Variants in ADGRV1 observed in about 807,000 individuals in gnomAD.
The protein encoded by ADGRV1 is G-protein coupled receptor 98.
A neutral mutation model predicts 596.2 loss-of-function variants in ADGRV1; 359 were observed. The ratio of observed to expected loss-of-function variants is 0.60; its 90% confidence interval spans 0.55 to 0.66. The LOEUF is 0.66. ADGRV1 is among the 30% of genes least tolerant of loss of function. The pLI is 0.00. For synonymous variants in ADGRV1, 2,681 were observed against 2,679.2 expected, an observed-to-expected ratio of 1.00 and a Z score of -0.02; for missense variants, 7,274 against 7,575.6, an observed-to-expected ratio of 0.96 and a Z score of 1.48.
intron 85 of ADGRV1, among the ~76,000 whole-genome samples, chr5:90,991,603 T>C (rs1385076150): frequency 1.3e-5 from 2 of 152,174 alleles, no homozygotes; most frequent in African/African-American, 4.8e-5. Flanking sequence ...TTCAGTTTTT[T>C]AGTATTTCAG....
intron 85 of ADGRV1, among the ~76,000 whole-genome samples, chr5:91,007,611 T>C (rs1782383498): frequency 6.6e-6 from 1 of 152,166 alleles, no homozygotes; most frequent in South Asian, 2.1e-4. Flanking sequence ...TATTTTGATG[T>C]ACTGAAAGAC....
chr5:90,680,056 T>C (rs1239365834), intron 26 of ADGRV1, among the ~76,000 whole-genome samples: 1 of 152,112 alleles, frequency 6.6e-6, no homozygotes, highest in African/African-American at 2.4e-5. Context: ...GAACTATGAA[T>C]CCTTATATGT....
intron 84 of ADGRV1, among the ~76,000 whole-genome samples, chr5:90,973,265 C>T (rs930989852): frequency 1.2e-4 from 19 of 152,116 alleles, no homozygotes; most frequent in Non-Finnish European, 1.8e-4. Flanking sequence ...TCGAATTCTA[C>T]CAGAGGTACA....
intron 19 of ADGRV1, 21 bp from the exon 20 acceptor site, chr5:90,653,188 T>C (rs1768890262): frequency 1.9e-6 from 3 of 1,564,910 alleles, no homozygotes; most frequent in Non-Finnish European, 2.6e-6. Flanking sequence ...AGTTTCTCAC[T>C]CATAAATTTT....
intron 61 of ADGRV1, 95 bp from the exon 62 acceptor site, chr5:90,777,810 G>A (rs1758405163): frequency 1.1e-5 from 12 of 1,114,290 alleles, no homozygotes; most frequent in Non-Finnish European, 1.5e-5. Context: ...TATTGAAATG[G>A]ATGAAAATTG....
At chr5:91,079,532 T>C (rs952657249) in intron 86 of ADGRV1, among the ~76,000 whole-genome samples, 1 of 152,206 alleles carries the variant, frequency 6.6e-6, no homozygotes, top group East Asian at 1.9e-4. Flanking sequence ...GAAAAACTCC[T>C]AGAACAATAA....
At chr5:90,735,100 T>C (rs1367506580) in intron 50 of ADGRV1, among the ~76,000 whole-genome samples, 4 of 152,272 alleles carry the variant, frequency 2.6e-5, no homozygotes, top group African/African-American at 9.6e-5. Flanking sequence ...CAAAAAATCC[T>C]TGCCCAGATT....
At chr5:90,636,053 G>A (rs1182037248) in intron 10 of ADGRV1, among the ~76,000 whole-genome samples, 1 of 151,916 alleles carries the variant, frequency 6.6e-6, no homozygotes, top group African/African-American at 2.4e-5. Context: ...TAAAGTTGTG[G>A]AATGCTAAAT....
At chr5:90,928,664 G>C (rs775494754) in intron 83 of ADGRV1, among the ~76,000 whole-genome samples, 1,734 of 149,178 alleles carry the variant, frequency 0.012, 15 homozygotes, top group Admixed American at 0.019. Flanking sequence ...GCTTTGTTCC[G>C]TTGCTGGTGA....
chr5:90,635,521 C>T (rs543248863), intron 10 of ADGRV1, among the ~76,000 whole-genome samples: 2 of 151,974 alleles, frequency 1.3e-5, no homozygotes, highest in African/African-American at 2.4e-5. Context: ...CAGTGAGTGT[C>T]GGATATTTTG....
At chr5:90,884,448 T>C (rs984643119) in intron 83 of ADGRV1, among the ~76,000 whole-genome samples, 2 of 152,202 alleles carry the variant, frequency 1.3e-5, no homozygotes, top group Admixed American at 1.3e-4. Flanking sequence ...TTAACACAAC[T>C]GGGTCATTAA....
chr5:90,778,888 C>T lies in ADGRV1; in HGVS notation c.12873C>T (p.Ser4291=). ...AQRVNITIIR[S]SGDFGHVRLW... Reference sequence around the variant, plus strand: ...AGGTTAACATCACAATCATCCGTTCCAGTGGAGATTTTGGCCATGTGCGAC... The same window carrying T: ...AGGTTAACATCACAATCATCCGTTCTAGTGGAGATTTTGGCCATGTGCGAC... The change falls in exon 64 of 90, where the codon TCC becomes TCT. Residue 4291 remains serine (S), a synonymous_variant. Coordinates refer to ENST00000405460, the MANE Select transcript of ADGRV1 (RefSeq NM_032119.4). The T allele has an allele frequency of 6.2e-7, 1 of 1,612,636 alleles. No homozygotes were observed.
chr5:91,120,608 C>T (rs1397725083), intron 87 of ADGRV1, among the ~76,000 whole-genome samples: 2 of 152,158 alleles, frequency 1.3e-5, no homozygotes, highest in African/African-American at 4.8e-5. Context: ...CAAACCCCAG[C>T]TCCCAGGGTG....
At chr5:90,757,865 G>A (rs188188946) in intron 57 of ADGRV1, among the ~76,000 whole-genome samples, 116 of 152,186 alleles carry the variant, frequency 7.6e-4, no homozygotes, top group African/African-American at 2.7e-3. Flanking sequence ...TCTATCTACA[G>A]GTAGCCTTAT....
At chr5:90,887,051 C>T (rs1770368609) in intron 83 of ADGRV1, among the ~76,000 whole-genome samples, 1 of 152,304 alleles carries the variant, frequency 6.6e-6, no homozygotes, top group East Asian at 1.9e-4. Flanking sequence ...TTAAAGATGT[C>T]ATGCGTGTCC....
rs869133714 is a variant in ADGRV1, at chr5:90,569,387, ATTTTTTTTTTT to A, written c.22+10488_22+10498del. Reference sequence around the variant, plus strand: ...TATATATATATATATATATATATATATTTTTTTTTTTTTTTTTTTTTTTTTTTTCTCATTCT... The same window carrying A: ...TATATATATATATATATATATATATATTTTTTTTTTTTTTTTTCTCATTCT... On this transcript the variant is annotated intron_variant, in intron 1 of 89. Transcript: ENST00000405460. Among the ~76,000 whole-genome samples the A allele has an allele frequency of 6.7e-4, 11 of 16,366 alleles. 1 individual carries two copies. The highest frequency in any genetic ancestry group is 3.6e-3 in the East Asian group (2 of 554). The allele number at this position is 16,366 out of a possible 152,430, so 10.7% of individuals were successfully genotyped here. A position where few individuals can be genotyped will look rare whatever the true frequency, so the allele number is the denominator to read the frequency against.
intron 83 of ADGRV1, among the ~76,000 whole-genome samples, chr5:90,887,534 T>C (rs982646019): frequency 1.3e-5 from 2 of 152,144 alleles, no homozygotes; most frequent in Non-Finnish European, 2.9e-5. Context: ...TGTGCACTCA[T>C]TTTCTGCTGC....
At chr5:91,121,266 A>G (rs1178364548) in intron 87 of ADGRV1, among the ~76,000 whole-genome samples, 2 of 152,182 alleles carry the variant, frequency 1.3e-5, no homozygotes, top group African/African-American at 4.8e-5. Context: ...TAAGAAAAAT[A>G]AATCAAAAGT....
intron 35 of ADGRV1, 142 bp downstream of exon 35, chr5:90,703,937 G>A (rs1448435392): frequency 1.4e-5 from 9 of 638,660 alleles, no homozygotes; most frequent in Non-Finnish European, 2.4e-5. Context: ...CTTTGATGAT[G>A]TATTTAATTG....
Sources: gnomAD v4.1 joint callset for allele counts (sites outside exome capture counted in the v4.1 genomes callset) on GRCh38, gnomAD v4.1.1 for gene constraint, MANE v1.5 for transcripts, NCBI Gene and HGNC (gene_info 2026-07-23, HGNC 2026-07-21) for gene names.